Variants in UBE3A observed in about 807,000 individuals in gnomAD.
UBE3A encodes the protein ubiquitin-protein ligase E3A.
Under a neutral mutation model 83.4 loss-of-function variants are expected in UBE3A, and 6 were observed. The ratio of observed to expected loss-of-function variants is 0.07; its 90% confidence interval spans 0.04 to 0.14. The LOEUF is 0.14. Among genes scored for constraint, UBE3A ranks in the 10% least tolerant of loss-of-function variants. UBE3A has a pLI of 1.00. For missense variants in UBE3A, 456 were observed against 1,036.1 expected, an observed-to-expected ratio of 0.44 and a Z score of 7.69; for synonymous variants, 337 against 355.4, an observed-to-expected ratio of 0.95 and a Z score of 0.58.
In UBE3A at chr15:25,336,627, A is replaced by G. The variant is rs1188167535; in HGVS notation, c.*2510T>C. 3 of 152,222 alleles carry G rather than the reference A, an allele frequency of 2.0e-5. No homozygotes were observed. Among genetic ancestry groups the G allele is most frequent in the Non-Finnish European group, 4.4e-5 (3 of 68,022 alleles). The allele number at this position is 152,222 out of a possible 1,614,324, so 9.4% of individuals were successfully genotyped here. A position where few individuals can be genotyped will look rare whatever the true frequency, so the allele number is the denominator to read the frequency against. Reference sequence around the variant, plus strand: ...GTAGTTGTCTCAGGAAACCAGGGTTAGGATGACCAGCTCATTTGCTGGAGC... The same window carrying G: ...GTAGTTGTCTCAGGAAACCAGGGTTGGGATGACCAGCTCATTTGCTGGAGC... On this transcript the variant is annotated 3_prime_UTR_variant, in exon 13 of 13. Coordinates refer to ENST00000648336, the MANE Select transcript of UBE3A (RefSeq NM_130839.5).
chr15:25,397,710 A>T (rs1310382830), intron 4 of UBE3A, among the ~76,000 whole-genome samples: 1 of 152,192 alleles, frequency 6.6e-6, no homozygotes, highest in Non-Finnish European at 1.5e-5. Context: ...TTGTAATTTG[A>T]AACTCATGTC....
At chr15:25,350,822 A>G (rs1016107957) in intron 11 of UBE3A, among the ~76,000 whole-genome samples, 2 of 152,254 alleles carry the variant, frequency 1.3e-5, no homozygotes, top group Non-Finnish European at 2.9e-5. Context: ...GTACAAGTAC[A>G]TAAGATTCCA....
chr15:25,398,054 A>G (rs942445424), intron 4 of UBE3A, among the ~76,000 whole-genome samples: 4 of 151,554 alleles, frequency 2.6e-5, no homozygotes, highest in African/African-American at 9.7e-5. Flanking sequence ...TAAAAATGAT[A>G]CGTATTTGGG....
chr15:25,423,673 T>C (rs1271472759), intron 1 of UBE3A, among the ~76,000 whole-genome samples: 1 of 152,176 alleles, frequency 6.6e-6, no homozygotes. Context: ...TTTCCATCCT[T>C]TTTTCTGTTT....
chr15:25,398,196 A>C (rs112243214), intron 4 of UBE3A, among the ~76,000 whole-genome samples: 6 of 150,444 alleles, frequency 4.0e-5, no homozygotes, highest in South Asian at 2.1e-4. Flanking sequence ...AAAAAACACA[A>C]AAAACAAAAA....
chr15:25,436,601 A>G (rs2153192405), intron 1 of UBE3A, among the ~76,000 whole-genome samples: 1 of 152,288 alleles, frequency 6.6e-6, no homozygotes, highest in East Asian at 1.9e-4. Flanking sequence ...AAATTATCTA[A>G]AGTTTAAGAA....
chr15:25,378,032 G>A (rs924880239), intron 4 of UBE3A, among the ~76,000 whole-genome samples: 1 of 151,982 alleles, frequency 6.6e-6, no homozygotes, highest in African/African-American at 2.4e-5. Flanking sequence ...TCCATAGTAA[G>A]GATGCTACTT....
intron 4 of UBE3A, among the ~76,000 whole-genome samples, chr15:25,396,629 AAAC>A (rs1245575406): frequency 6.6e-6 from 1 of 152,310 alleles, no homozygotes; most frequent in East Asian, 1.9e-4. Flanking sequence ...ACAATATCTC[AAAC>A]AACAAGCAAA....
Position 25,354,076 on chromosome 15 carries a change from G to T in UBE3A, c.2354+277C>A. 8.0e-6 allele frequency: 4 copies of T among 498,434 alleles called. No individual in the cohort carries two copies. In the South Asian group the frequency reaches 9.6e-5, roughly 12 times the overall value. 30.9% of individuals were successfully genotyped at this position (498,434 alleles called of 1,614,324 possible). A position where few individuals can be genotyped will look rare whatever the true frequency, so the allele number is the denominator to read the frequency against. ...TATTTTAATTATCTTCTAACCAGCA[G>T]TAAGCATACTCTAACCAGTGAGGAA... is the stretch of plus-strand genomic sequence containing the variant. On this transcript the variant is annotated intron_variant, in intron 11 of 12. Transcript: ENST00000648336.
At chr15:25,420,430 T>C (rs958269506) in intron 1 of UBE3A, among the ~76,000 whole-genome samples, 3 of 151,896 alleles carry the variant, frequency 2.0e-5, no homozygotes, top group African/African-American at 7.3e-5. Context: ...TCAACATTCC[T>C]CTCTCGGTAA....
chr15:25,405,103 TA>T, intron 4 of UBE3A, among the ~76,000 whole-genome samples: 1 of 152,226 alleles, frequency 6.6e-6, no homozygotes, highest in East Asian at 1.9e-4. Context: ...AACTAATTAT[TA>T]CGCATCTCTG....
At chr15:25,405,531 C>T in intron 3 of UBE3A, 29 bp from the exon 4 acceptor site, 1 of 1,610,042 alleles carries the variant, frequency 6.2e-7, no homozygotes, top group Non-Finnish European at 8.5e-7. Context: ...AAACAGTTAG[C>T]AAAATATTCC....
Position 25,371,204 on chromosome 15 carries a change from G to C in UBE3A, c.970C>G (p.Leu324Val). ...TGGTCTGCATTGTATTTAGACCACA[G>C]TCTGATCAGTTTTCCTTGGGCTGCA... ...PLAAQGKLIR[L>V]WSKYNADQIR... Residue 324 changes from leucine to valine, a missense_variant, in exon 6 of 13, where the codon CTG (leucine) becomes GTG (valine). Coordinates refer to ENST00000648336, the MANE Select transcript of UBE3A (RefSeq NM_130839.5). This position sits in a 1 kb window ranked among gnomAD's most constrained non-coding sequence, Gnocchi z 5.3. The C allele has an allele frequency of 6.2e-7, 1 of 1,614,160 alleles. No individual in the cohort carries two copies. Among genetic ancestry groups the C allele is most frequent in the Non-Finnish European group, 8.5e-7 (1 of 1,180,032 alleles).
chr15:25,358,659 A>T (rs936035600), intron 7 of UBE3A, among the ~76,000 whole-genome samples: 3 of 152,200 alleles, frequency 2.0e-5, no homozygotes, highest in African/African-American at 7.2e-5. Context: ...TAAGAATTTT[A>T]AAATCTTTGA....
rs2073972201 is a variant in UBE3A at position 25,336,560 on chromosome 15, T to TATC, written c.*2574_*2576dup. On this transcript the variant is annotated 3_prime_UTR_variant, in exon 13 of 13. Transcript: ENST00000648336. ...TTCAAGTTTCTTTTTGATATGTATC[T>TATC]ATCTATCTATCATCTCCCTATACAA... 6.6e-6 allele frequency: 1 copy of TATC among 152,078 alleles called. No homozygotes were observed. The highest frequency in any genetic ancestry group is 2.4e-5 in the African/African-American group (1 of 41,388). 9.4% of individuals were successfully genotyped at this position (152,078 alleles called of 1,614,324 possible).
intron 11 of UBE3A, chr15:25,347,133 A>C (rs982740989): frequency 6.6e-6 from 1 of 152,228 alleles, no homozygotes; most frequent in Admixed American, 6.5e-5. Context: ...AAAAGATGGA[A>C]TCTTGGAAAA....
intron 4 of UBE3A, among the ~76,000 whole-genome samples, chr15:25,400,641 A>AT (rs1316712048): frequency 6.6e-6 from 1 of 152,240 alleles, no homozygotes; most frequent in African/African-American, 2.4e-5. Flanking sequence ...AATTCTACGG[A>AT]TTTTTGTATC....
intron 4 of UBE3A, among the ~76,000 whole-genome samples, chr15:25,377,502 C>G (rs1055951472): frequency 6.6e-6 from 1 of 151,968 alleles, no homozygotes; most frequent in Non-Finnish European, 1.5e-5. Flanking sequence ...AAAGTGAAAA[C>G]ATGTAAAAAT....
chr15:25,372,322 C>A (rs1011869688), intron 5 of UBE3A, among the ~76,000 whole-genome samples: 1 of 152,154 alleles, frequency 6.6e-6, no homozygotes, highest in Non-Finnish European at 1.5e-5. Flanking sequence ...CAAACTGGTT[C>A]ATTTTGGGTC....
Sources: allele counts gnomAD v4.1 joint callset (sites outside exome capture counted in the v4.1 genomes callset), GRCh38; gene constraint gnomAD v4.1.1; non-coding constraint Gnocchi (gnomAD v3.1); transcripts MANE v1.5; gene names NCBI Gene and HGNC (gene_info 2026-07-23, HGNC 2026-07-21).